Variants in LRP1B observed in about 807,000 individuals in gnomAD.
LRP1B encodes the protein low-density lipoprotein receptor-related protein 1B.
LRP1B carries 217 observed loss-of-function variants against 556.6 expected under a neutral mutation model. The observed-to-expected ratio is 0.39, with a 90% CI of 0.35 to 0.44. The LOEUF (loss-of-function observed/expected upper bound fraction) is 0.44. LRP1B is among the 20% of genes least tolerant of loss of function. The pLI is 1.00. For missense variants in LRP1B, 5,053 were observed against 5,620.8 expected (o/e 0.90, Z 3.23); for synonymous variants, 2,047 against 1,865.8 (o/e 1.10, Z -2.50).
intron 83 of LRP1B, among the ~76,000 whole-genome samples, chr2:140,298,841 C>A (rs1427644019): frequency 6.6e-6 from 1 of 151,970 alleles, no homozygotes; most frequent in Non-Finnish European, 1.5e-5. Flanking sequence ...ATGGAACTAG[C>A]TCTGTAGGAG....
chr2:140,536,438 G>T (rs1690976706), intron 46 of LRP1B, 143 bp downstream of exon 46: 1 of 590,566 alleles, frequency 1.7e-6, no homozygotes, highest in Non-Finnish European at 2.7e-6. Flanking sequence ...CACAAGCAAA[G>T]CCACATCAAT....
At chr2:141,911,020 A>T (rs1283124088) in intron 1 of LRP1B, among the ~76,000 whole-genome samples, 1 of 152,096 alleles carries the variant, frequency 6.6e-6, no homozygotes, top group Non-Finnish European at 1.5e-5. Flanking sequence ...ATACAGGTAC[A>T]TATACACATG....
At position 140,595,298 on chromosome 2, in the gene LRP1B, T is replaced by C. The variant is rs978404164; in HGVS notation, c.7194+3333A>G. ...GTGAACACTGGCATGTGTTAGATTA[T>C]CTGCTCTTTTCAAGGCGAACTAACA... On this transcript the variant is annotated intron_variant, in intron 43 of 90. Transcript: ENST00000389484. Among the ~76,000 whole-genome samples, 14 of 151,806 alleles carry C rather than the reference T, an allele frequency of 9.2e-5. No individual in the cohort carries two copies. In the East Asian group the frequency reaches 1.9e-3, roughly 21 times the overall value.
chr2:140,836,752 G>T (rs1691917460), intron 31 of LRP1B, among the ~76,000 whole-genome samples: 1 of 151,908 alleles, frequency 6.6e-6, no homozygotes, highest in African/African-American at 2.4e-5. Flanking sequence ...TATTTTGGAA[G>T]TATTTAAAAA....
chr2:140,723,029 C>T (rs533670114), intron 35 of LRP1B, among the ~76,000 whole-genome samples: 123 of 151,966 alleles, frequency 8.1e-4, no homozygotes, highest in Non-Finnish European at 1.5e-3. Flanking sequence ...GGTGACAGAG[C>T]GAGACTCTGT....
intron 2 of LRP1B, among the ~76,000 whole-genome samples, chr2:141,634,868 A>G (rs939456707): frequency 1.3e-5 from 2 of 152,014 alleles, no homozygotes; most frequent in African/African-American, 4.8e-5. Flanking sequence ...TTTCTCATTG[A>G]CAGTAGAGAT....
rs184146313 is a variant in LRP1B, at chr2:140,745,056, A to G, written c.5758+24157T>C. ...TTATGTATCATTACTTTAAAAACAG[A>G]AAAGGAAATTAGCCTGGTAGTAGAA... is the stretch of plus-strand genomic sequence containing the variant. On this transcript the variant is annotated intron_variant, in intron 35 of 90. Coordinates refer to ENST00000389484, the MANE Select transcript of LRP1B (RefSeq NM_018557.3). 5.4e-3 allele frequency among the ~76,000 whole-genome samples: 823 copies of G among 152,340 alleles called. 3 individuals carry two copies. Among genetic ancestry groups the G allele is most frequent in the Non-Finnish European group, 9.3e-3 (630 of 68,026 alleles).
chr2:141,136,537 A>G (rs893155576), intron 7 of LRP1B, among the ~76,000 whole-genome samples: 1 of 151,170 alleles, frequency 6.6e-6, no homozygotes, highest in Non-Finnish European at 1.5e-5. Context: ...TTTAATATCT[A>G]TCTAGTATAA....
chr2:141,730,812 C>T (rs1231590341), intron 2 of LRP1B, among the ~76,000 whole-genome samples: 7 of 152,136 alleles, frequency 4.6e-5, no homozygotes, highest in Admixed American at 4.6e-4. Flanking sequence ...GAAATCCATA[C>T]TCCCCACCCT....
chr2:141,228,777 C>T (rs1211771574), intron 6 of LRP1B, among the ~76,000 whole-genome samples: 1 of 151,892 alleles, frequency 6.6e-6, no homozygotes, highest in Non-Finnish European at 1.5e-5. Context: ...GTAGTTACTC[C>T]CCATTAGCAT....
intron 84 of LRP1B, among the ~76,000 whole-genome samples, chr2:140,287,676 C>G (rs971725309): frequency 1.3e-5 from 2 of 148,778 alleles, no homozygotes; most frequent in Non-Finnish European, 3.0e-5. Context: ...AATGTAGTCA[C>G]TTGACCTTTG....
chr2:140,870,412 T>C (rs1478165766), intron 25 of LRP1B, among the ~76,000 whole-genome samples: 2 of 152,106 alleles, frequency 1.3e-5, no homozygotes. Context: ...CATTTCCCTC[T>C]CCCATATGAA....
At chr2:140,592,768 C>T (rs1029831588) in intron 43 of LRP1B, among the ~76,000 whole-genome samples, 4 of 151,876 alleles carry the variant, frequency 2.6e-5, no homozygotes, top group African/African-American at 9.7e-5. Flanking sequence ...AGAGAGACCC[C>T]CATCACTACT....
rs777080881 is a variant in LRP1B, at chr2:141,114,507, CCTGA to C, written c.1014-52238_1014-52235del. On this transcript the variant is annotated intron_variant, in intron 7 of 90. Transcript: ENST00000389484. The stretch of plus-strand genomic sequence containing the variant: ...GAATTTGGCCTTTCATGGCTGATCT[CCTGA>C]CTGTCTGTAGCAAAACTCCTCTTGA... Among the ~76,000 whole-genome samples the C allele has an allele frequency of 1.6e-3, 247 of 152,208 alleles. 1 individual carries two copies. Among genetic ancestry groups the C allele is most frequent in the Non-Finnish European group, 2.5e-3 (169 of 68,008 alleles).
intron 2 of LRP1B, among the ~76,000 whole-genome samples, chr2:141,511,686 A>G (rs1383366575): frequency 6.6e-6 from 1 of 152,176 alleles, no homozygotes; most frequent in Non-Finnish European, 1.5e-5. Flanking sequence ...CTCAGTGCGT[A>G]AACTACTCGC....
At chr2:142,119,724 AG>A (rs1424107507) in intron 1 of LRP1B, among the ~76,000 whole-genome samples, 2 of 151,942 alleles carry the variant, frequency 1.3e-5, no homozygotes, top group Admixed American at 6.6e-5. Flanking sequence ...TCATTTTTAT[AG>A]TACTTTCCTC....
At chr2:141,523,324 G>A (rs1683962423) in intron 2 of LRP1B, among the ~76,000 whole-genome samples, 1 of 151,922 alleles carries the variant, frequency 6.6e-6, no homozygotes, top group Non-Finnish European at 1.5e-5. Flanking sequence ...AAGAACTTGG[G>A]TTTTCTGTTA....
chr2:140,985,765 T>A (rs1696903072), intron 17 of LRP1B, among the ~76,000 whole-genome samples: 1 of 152,022 alleles, frequency 6.6e-6, no homozygotes, highest in Admixed American at 6.6e-5. Flanking sequence ...CAGTGAAATA[T>A]TTCTACCATC....
chr2:141,241,939 T>C (rs1423301542), intron 5 of LRP1B, among the ~76,000 whole-genome samples: 1 of 150,712 alleles, frequency 6.6e-6, no homozygotes, highest in Non-Finnish European at 1.5e-5. Context: ...TAAAAAATAA[T>C]GTAAAAAAAA....
Sources: gnomAD v4.1 joint callset for allele counts (sites outside exome capture counted in the v4.1 genomes callset) on GRCh38, gnomAD v4.1.1 for gene constraint, MANE v1.5 for transcripts, NCBI Gene and HGNC (gene_info 2026-07-23, HGNC 2026-07-21) for gene names.